GPR141: variants seen among roughly 807,000 people sequenced by gnomAD.
The protein encoded by GPR141 is G protein-coupled receptor 141, also known as probable G protein-coupled receptor 141.
GPR141 carries 6 observed loss-of-function variants against 6.8 expected under a neutral mutation model. The observed-to-expected ratio is 0.88, with a 90% CI of 0.48 to 1.74. GPR141 has a LOEUF of 1.74. Among genes scored for constraint, GPR141 ranks in the 40% most tolerant of loss-of-function variants. GPR141 has a pLI of 0.01. For synonymous variants in GPR141, 140 were observed against 142.3 expected (o/e 0.98, Z 0.11); for missense variants, 372 against 372.9 (o/e 1.00, Z 0.02).
At chr7:37,730,644 G>T (rs1319505811) in intron 2 of GPR141, among the ~76,000 whole-genome samples, 1 of 152,146 alleles carries the variant, frequency 6.6e-6, no homozygotes, top group East Asian at 1.9e-4. Context: ...CTTGTTCCAG[G>T]GTCCCAGGGC....
chr7:37,735,372 C>A (rs1292921122), intron 2 of GPR141, among the ~76,000 whole-genome samples: 1 of 152,166 alleles, frequency 6.6e-6, no homozygotes, highest in Non-Finnish European at 1.5e-5. Context: ...AGACTAATAT[C>A]CTAAGCCTTA....
intron 2 of GPR141, among the ~76,000 whole-genome samples, chr7:37,699,358 A>C (rs1307787343): frequency 1.3e-5 from 2 of 152,126 alleles, no homozygotes; most frequent in Non-Finnish European, 2.9e-5. Context: ...TCAGGAGATC[A>C]AGACCATCCT....
At chr7:37,716,469 G>A (rs986567872) in intron 2 of GPR141, among the ~76,000 whole-genome samples, 6 of 152,108 alleles carry the variant, frequency 3.9e-5, no homozygotes, top group African/African-American at 1.4e-4. Flanking sequence ...GAGAAACTGG[G>A]ACACAGGGAG....
At chr7:37,732,145 T>TC (rs200353641) in intron 2 of GPR141, among the ~76,000 whole-genome samples, 5,198 of 83,946 alleles carry the variant, frequency 0.062, 243 homozygotes, top group African/African-American at 0.19. Context: ...TCTCTCTCTC[T>TC]TTTTTTTTTT....
At position 37,742,136 on chromosome 7, in the gene GPR141, G is replaced by GT. The variant is rs1363912426; in HGVS notation, c.*831dup. Among the ~76,000 whole-genome samples, 1 of 152,012 alleles carries GT rather than the reference G, an allele frequency of 6.6e-6. No homozygotes were observed. The highest frequency in any genetic ancestry group is 1.5e-5 in the Non-Finnish European group (1 of 67,986). ...AGTGATTAAAATTTTTTTCTCTTCT[G>GT]TTTTTTGAGAGAATTTCTAGATGTC... On this transcript the variant is annotated 3_prime_UTR_variant, in exon 3 of 3. Transcript: ENST00000334425.
chr7:37,741,428 CAA>C lies in GPR141; in HGVS notation c.*120_*121del. The C allele has an allele frequency of 1.3e-6, 1 of 745,122 alleles. No individual in the cohort carries two copies. Among genetic ancestry groups the C allele is most frequent in the South Asian group, 2.0e-5 (1 of 51,096 alleles). 46.2% of individuals were successfully genotyped at this position (745,122 alleles called of 1,614,324 possible). A position where few individuals can be genotyped will look rare whatever the true frequency, so the allele number is the denominator to read the frequency against. On this transcript the variant is annotated 3_prime_UTR_variant, in exon 3 of 3. Transcript: ENST00000334425. ...AAACCATGCCTTGATGTACCCAAAA[CAA>C]AAGGACTATAAAATGCAAGAGCCCT...
At chr7:37,704,247 G>A (rs1474242194) in intron 2 of GPR141, among the ~76,000 whole-genome samples, 2 of 151,302 alleles carry the variant, frequency 1.3e-5, no homozygotes, top group Non-Finnish European at 2.9e-5. Flanking sequence ...TTTTTTCCAA[G>A]TGTTTTCCTT....
intron 2 of GPR141, chr7:37,713,440 C>G (rs1237417479): frequency 6.6e-6 from 1 of 152,214 alleles, no homozygotes; most frequent in Non-Finnish European, 1.5e-5. Flanking sequence ...ATGTGAGCCA[C>G]TGTGCCTGGC....
intron 2 of GPR141, among the ~76,000 whole-genome samples, chr7:37,724,627 A>C (rs1811535741): frequency 6.6e-6 from 1 of 152,112 alleles, no homozygotes. Context: ...CTGCTGCTTG[A>C]GTTTCCCTGA....
At chr7:37,732,315 C>T (rs1812003268) in intron 2 of GPR141, among the ~76,000 whole-genome samples, 1 of 147,868 alleles carries the variant, frequency 6.8e-6, no homozygotes, top group Non-Finnish European at 1.5e-5. Flanking sequence ...TTTGCAACAA[C>T]CTATTACCTA....
At chr7:37,702,832 AT>A (rs1810351235) in intron 2 of GPR141, among the ~76,000 whole-genome samples, 6 of 149,846 alleles carry the variant, frequency 4.0e-5, no homozygotes, top group Admixed American at 4.0e-4. Context: ...TAAAATAAAA[AT>A]TAAAAAAAAA....
At chr7:37,684,500 A>G (rs1809415303) in intron 1 of GPR141, among the ~76,000 whole-genome samples, 1 of 152,198 alleles carries the variant, frequency 6.6e-6, no homozygotes, top group Non-Finnish European at 1.5e-5. Flanking sequence ...CTTCTTAAAT[A>G]AGATAAATAA....
intron 2 of GPR141, among the ~76,000 whole-genome samples, chr7:37,687,467 A>G (rs1809561807): frequency 6.6e-6 from 1 of 152,162 alleles, no homozygotes; most frequent in African/African-American, 2.4e-5. Flanking sequence ...GCTTTGGGAT[A>G]CAATTATACA....
intron 2 of GPR141, among the ~76,000 whole-genome samples, chr7:37,716,257 T>C (rs547012713): frequency 1.3e-5 from 2 of 152,288 alleles, no homozygotes; most frequent in South Asian, 4.2e-4. Flanking sequence ...TATAATTTAT[T>C]ATGGAGAGGG....
At position 37,742,171 on chromosome 7, in the gene GPR141, A is replaced by C. The variant is rs1812595249; in HGVS notation, c.*860A>C. Among the ~76,000 whole-genome samples, 1 of 152,124 alleles carries C rather than the reference A, an allele frequency of 6.6e-6. No homozygotes were observed. The highest frequency in any genetic ancestry group is 1.5e-5 in the Non-Finnish European group (1 of 68,022). On this transcript the variant is annotated 3_prime_UTR_variant, in exon 3 of 3. Transcript: ENST00000334425. ...AGAATTTCTAGATGTCCTGGGCCAC[A>C]GTTAATTAAGATTTTTAGGGGGGAC...
chr7:37,710,831 A>G (rs1280837722), intron 2 of GPR141, among the ~76,000 whole-genome samples: 1 of 152,170 alleles, frequency 6.6e-6, no homozygotes. Context: ...TTTATATAAC[A>G]GTACAACATT....
At chr7:37,727,963 G>A (rs1344036445) in intron 2 of GPR141, among the ~76,000 whole-genome samples, 1 of 152,186 alleles carries the variant, frequency 6.6e-6, no homozygotes, top group Non-Finnish European at 1.5e-5. Context: ...CTCCTAATAT[G>A]TCAAATGTTC....
rs1034108600 is a variant in GPR141 at position 37,740,625 on chromosome 7, A to C, written c.232A>C (p.Lys78Gln). The C allele has an allele frequency of 1.2e-6, 2 of 1,613,916 alleles. No individual in the cohort carries two copies. Among genetic ancestry groups the C allele is most frequent in the Non-Finnish European group, 1.7e-6 (2 of 1,179,980 alleles). The change falls in exon 3 of 3, where the codon AAG becomes CAG. Residue 78 changes from lysine to glutamine, a missense_variant. By Grantham distance (53) the Lys-to-Gln change is moderately conservative. Coordinates refer to ENST00000334425, the MANE Select transcript of GPR141 (RefSeq NM_001381946.1). ...GCCATTTCGCTTGACCTACCTCATCAAGAAGACTTGGATGTTTGGGCTGCC... is the reference window on the plus strand; with the variant it reads ...GCCATTTCGCTTGACCTACCTCATCCAGAAGACTTGGATGTTTGGGCTGCC... ...TVPFRLTYLI[K>Q]KTWMFGLPFC...
At chr7:37,722,618 A>T (rs1811390900) in intron 2 of GPR141, among the ~76,000 whole-genome samples, 1 of 150,944 alleles carries the variant, frequency 6.6e-6, no homozygotes, top group Non-Finnish European at 1.5e-5. Flanking sequence ...GCTGCTTGGG[A>T]GGTTGATGCA....
Sources: allele counts gnomAD v4.1 joint callset (sites outside exome capture counted in the v4.1 genomes callset), GRCh38; gene constraint gnomAD v4.1.1; transcripts MANE v1.5; gene names NCBI Gene and HGNC (gene_info 2026-07-23, HGNC 2026-07-21).